The following PKIA variants were observed in gnomAD, a reference collection of about 807,000 sequenced individuals.
The protein encoded by PKIA is PKI-alpha.
Under a neutral mutation model 7.6 loss-of-function variants are expected in PKIA, and 4 were observed. The ratio of observed to expected loss-of-function variants is 0.52; its 90% confidence interval spans 0.26 to 1.20. PKIA has a LOEUF of 1.20. Ranked by LOEUF, PKIA falls within the 50% of genes most tolerant of loss-of-function variation. PKIA has a pLI of 0.13. For missense variants in PKIA, 73 were observed against 86.2 expected (o/e 0.85, Z 0.61); for synonymous variants, 21 against 30.7 (o/e 0.68, Z 1.04).
rs564246831 is a variant in PKIA at position 78,587,314 on chromosome 8, C to A, written c.-27-11044C>A. 7.2e-5 allele frequency among the ~76,000 whole-genome samples: 11 copies of A among 152,256 alleles called. No homozygotes were observed. In the South Asian group the frequency reaches 2.3e-3, roughly 32 times the overall value. On this transcript the variant is annotated intron_variant, in intron 2 of 3. Transcript: ENST00000396418. ...AGTATTATATAACAAAGAACACCAC[C>A]AGCCCCAGGCCCTTAATGCTTTTGT... is the stretch of plus-strand genomic sequence containing the variant.
At chr8:78,595,279 A>G (rs1186179795) in intron 2 of PKIA, among the ~76,000 whole-genome samples, 1 of 152,194 alleles carries the variant, frequency 6.6e-6, no homozygotes, top group African/African-American at 2.4e-5. Context: ...GGAAACTAAA[A>G]AGTGATTCAA....
chr8:78,570,422 G>A (rs1326979493), intron 1 of PKIA, among the ~76,000 whole-genome samples: 1 of 152,078 alleles, frequency 6.6e-6, no homozygotes, highest in Non-Finnish European at 1.5e-5. Context: ...TGCCATGCAC[G>A]AACTTCATAT....
intron 2 of PKIA, among the ~76,000 whole-genome samples, chr8:78,586,941 A>G (rs1420265521): frequency 6.6e-6 from 1 of 152,172 alleles, no homozygotes; most frequent in African/African-American, 2.4e-5. Context: ...CACAGATGTG[A>G]TATCTGGCAC....
intron 1 of PKIA, among the ~76,000 whole-genome samples, chr8:78,571,163 CT>C (rs1807538083): frequency 6.8e-6 from 1 of 146,926 alleles, no homozygotes; most frequent in African/African-American, 2.5e-5. Context: ...TTTTTTTTAA[CT>C]AGGACTGTAT....
chr8:78,581,091 T>A (rs1807797062), intron 2 of PKIA, among the ~76,000 whole-genome samples: 1 of 151,964 alleles, frequency 6.6e-6, no homozygotes, highest in Non-Finnish European at 1.5e-5. Flanking sequence ...ATTCTCCTAG[T>A]GAAGGAACCA....
intron 2 of PKIA, among the ~76,000 whole-genome samples, chr8:78,596,145 G>C (rs550765968): frequency 5.9e-4 from 90 of 152,130 alleles, no homozygotes; most frequent in African/African-American, 1.7e-3. Flanking sequence ...TCGTATGCTT[G>C]TTGGCCACAT....
At chr8:78,562,942 T>C (rs1234928920) in intron 1 of PKIA, among the ~76,000 whole-genome samples, 1 of 152,090 alleles carries the variant, frequency 6.6e-6, no homozygotes, top group African/African-American at 2.4e-5. Context: ...AGAGACACTA[T>C]GAAAAAAATA....
At chr8:78,559,105 A>G (rs1408683622) in intron 1 of PKIA, among the ~76,000 whole-genome samples, 2 of 152,142 alleles carry the variant, frequency 1.3e-5, no homozygotes, top group African/African-American at 4.8e-5. Flanking sequence ...TATTTTTAGT[A>G]GAGACAGGGT....
rs945094106 is a variant in PKIA, at chr8:78,603,119, C to T, written c.*1298C>T. 2.0e-5 allele frequency: 3 copies of T among 152,330 alleles called. No homozygotes were observed. Among genetic ancestry groups the T allele is most frequent in the African/African-American group, 7.2e-5 (3 of 41,386 alleles). The allele number at this position is 152,330 out of a possible 1,614,324, so 9.4% of individuals were successfully genotyped here. A position where few individuals can be genotyped will look rare whatever the true frequency, so the allele number is the denominator to read the frequency against. ...GATGGCCTCTGCTGTGTTTTAACAT[C>T]GTGCTTCTTATATGGAAAGTTTTTG... On this transcript the variant is annotated 3_prime_UTR_variant, in exon 4 of 4. Transcript: ENST00000396418.
At position 78,601,992 on chromosome 8, in the gene PKIA, A is replaced by C. The variant is rs1187519551; in HGVS notation, c.*171A>C. 6.7e-6 allele frequency: 4 copies of C among 592,704 alleles called. No individual in the cohort carries two copies. Among genetic ancestry groups the C allele is most frequent in the Non-Finnish European group, 1.2e-5 (4 of 334,832 alleles). The allele number at this position is 592,704 out of a possible 1,614,324, so 36.7% of individuals were successfully genotyped here. On this transcript the variant is annotated 3_prime_UTR_variant, in exon 4 of 4. Coordinates refer to ENST00000396418, the MANE Select transcript of PKIA (RefSeq NM_006823.4). ...GAGGGCAGAGGCTGTGGCTGCAGGC[A>C]GACTTTTCCCTACCTCTGTCATTAG...
At chr8:78,524,864 A>G (rs1285414867) in intron 1 of PKIA, among the ~76,000 whole-genome samples, 1 of 151,998 alleles carries the variant, frequency 6.6e-6, no homozygotes, top group African/African-American at 2.4e-5. Flanking sequence ...CCAGTATGGT[A>G]CATGGCTTTA....
chr8:78,594,305 G>A (rs577032926), intron 2 of PKIA, among the ~76,000 whole-genome samples: 20 of 151,674 alleles, frequency 1.3e-4, no homozygotes, highest in African/African-American at 4.6e-4. Context: ...GAGAAACTCT[G>A]GAAAAATATT....
chr8:78,524,157 T>G (rs1459074056), intron 1 of PKIA, among the ~76,000 whole-genome samples: 2 of 135,964 alleles, frequency 1.5e-5, no homozygotes, highest in East Asian at 4.0e-4. Flanking sequence ...TATTTATATA[T>G]AAATATATGT....
intron 1 of PKIA, among the ~76,000 whole-genome samples, chr8:78,548,068 GT>G: frequency 6.6e-6 from 1 of 152,052 alleles, no homozygotes; most frequent in South Asian, 2.1e-4. Flanking sequence ...TATGAAATAA[GT>G]TTTAAAAAAT....
intron 1 of PKIA, among the ~76,000 whole-genome samples, chr8:78,540,866 C>A (rs534680117): frequency 9.9e-5 from 15 of 152,012 alleles, no homozygotes; most frequent in African/African-American, 2.7e-4. Flanking sequence ...CCAAAGGAGG[C>A]CTATATAACT....
chr8:78,534,269 A>G (rs1282653380), intron 1 of PKIA: 5 of 152,156 alleles, frequency 3.3e-5, no homozygotes, highest in African/African-American at 9.7e-5. Context: ...TATATTGACT[A>G]TTGACTCGGG....
chr8:78,589,985 C>G (rs781163325), intron 2 of PKIA, among the ~76,000 whole-genome samples: 2 of 152,142 alleles, frequency 1.3e-5, no homozygotes, highest in Admixed American at 6.5e-5. Flanking sequence ...CAAACTTGGA[C>G]ATTTGGCAGA....
chr8:78,558,039 T>G lies in PKIA; in HGVS notation c.-156-14772T>G, dbSNP rs1411873489. 3.9e-5 allele frequency among the ~76,000 whole-genome samples: 6 copies of G among 152,348 alleles called. No individual in the cohort carries two copies. In the East Asian group the frequency reaches 1.2e-3, roughly 29 times the overall value. On this transcript the variant is annotated intron_variant, in intron 1 of 3. Coordinates refer to ENST00000396418, the MANE Select transcript of PKIA (RefSeq NM_006823.4). Reference sequence around the variant, plus strand: ...CTGAAATTACATGCAAAATGCTGTTTACAGTTGTTTTAGTAAGGGGATGCA... The same window carrying G: ...CTGAAATTACATGCAAAATGCTGTTGACAGTTGTTTTAGTAAGGGGATGCA...
intron 2 of PKIA, among the ~76,000 whole-genome samples, chr8:78,590,068 T>A (rs1454696747): frequency 6.6e-6 from 1 of 152,142 alleles, no homozygotes; most frequent in South Asian, 2.1e-4. Context: ...CTTTTGCCAA[T>A]GAAAAAATCT....
Sources: gnomAD v4.1 joint callset for allele counts (sites outside exome capture counted in the v4.1 genomes callset) on GRCh38, gnomAD v4.1.1 for gene constraint, MANE v1.5 for transcripts, NCBI Gene and HGNC (gene_info 2026-07-23, HGNC 2026-07-21) for gene names.